The following TMEM232 variants were observed in gnomAD, a reference collection of about 807,000 sequenced individuals.
TMEM232 encodes transmembrane protein 232.
Under a neutral mutation model 78.8 loss-of-function variants are expected in TMEM232, and 80 were observed. The ratio of observed to expected loss-of-function variants is 1.01; its 90% CI spans 0.85 to 1.22. The LOEUF is 1.22. Among genes scored for constraint, TMEM232 ranks in the 50% most tolerant of loss-of-function variants. The pLI is 0.00. For synonymous variants in TMEM232, 297 were observed against 254.3 expected (o/e 1.17, Z -1.60); for missense variants, 881 against 742.2 (o/e 1.19, Z -2.17).
intron 12 of TMEM232, among the ~76,000 whole-genome samples, chr5:110,475,584 A>G (rs891642882): frequency 2.1e-5 from 3 of 142,214 alleles, no homozygotes; most frequent in African/African-American, 9.3e-5. Flanking sequence ...AAAACTGCCA[A>G]TCTCCAAAGC....
chr5:110,596,154 A>G (rs1780135319), intron 10 of TMEM232, among the ~76,000 whole-genome samples: 1 of 152,138 alleles, frequency 6.6e-6, no homozygotes, highest in Non-Finnish European at 1.5e-5. Flanking sequence ...AGCATCAAAT[A>G]GACACAATAA....
intron 12 of TMEM232, among the ~76,000 whole-genome samples, chr5:110,484,400 C>A (rs1340802477): frequency 6.6e-6 from 1 of 151,672 alleles, no homozygotes; most frequent in Non-Finnish European, 1.5e-5. Context: ...AAAAAGGAGG[C>A]AGCAATACAA....
intron 11 of TMEM232, among the ~76,000 whole-genome samples, chr5:110,555,243 T>C (rs1774936767): frequency 6.6e-6 from 1 of 152,206 alleles, no homozygotes; most frequent in Non-Finnish European, 1.5e-5. Flanking sequence ...AAAAATTTAT[T>C]GATATCTGCT....
intron 12 of TMEM232, among the ~76,000 whole-genome samples, chr5:110,428,225 A>C (rs1757454689): frequency 6.6e-6 from 1 of 151,798 alleles, no homozygotes; most frequent in Non-Finnish European, 1.5e-5. Context: ...ATGTTTTATA[A>C]GGATACTGTC....
chr5:110,627,696 A>T, intron 6 of TMEM232, 85 bp downstream of exon 6: 1 of 938,158 alleles, frequency 1.1e-6, no homozygotes. Context: ...AATAAAATGC[A>T]GCTTACGTTC....
chr5:110,446,147 G>C (rs959087173), intron 12 of TMEM232, among the ~76,000 whole-genome samples: 2 of 152,118 alleles, frequency 1.3e-5, no homozygotes, highest in African/African-American at 4.8e-5. Flanking sequence ...AAAGACATCA[G>C]AGAATCTCCT....
intron 11 of TMEM232, among the ~76,000 whole-genome samples, chr5:110,565,364 G>A (rs948016689): frequency 1.3e-5 from 2 of 152,008 alleles, no homozygotes; most frequent in East Asian, 1.9e-4. Context: ...GGAAACTGAA[G>A]TAAAAATATG....
intron 2 of TMEM232, among the ~76,000 whole-genome samples, chr5:110,732,584 T>G (rs989782563): frequency 6.6e-6 from 1 of 152,168 alleles, no homozygotes; most frequent in Non-Finnish European, 1.5e-5. Context: ...TCAGATTTTG[T>G]GAGACTTATT....
chr5:110,738,494 C>T (rs1396320965), upstream of TMEM232, among the ~76,000 whole-genome samples: 1 of 152,154 alleles, frequency 6.6e-6, no homozygotes, highest in African/African-American at 2.4e-5. Context: ...AAAATGCTTG[C>T]TCTGGTGGTC....
intron 12 of TMEM232, among the ~76,000 whole-genome samples, chr5:110,490,121 A>AAAAGAAAAAG (rs1764875269): frequency 4.5e-5 from 5 of 110,478 alleles, no homozygotes; most frequent in African/African-American, 6.4e-5. Flanking sequence ...CTCCGTTTCA[A>AAAAGAAAAAG]AAAGAAAGAA....
intron 10 of TMEM232, among the ~76,000 whole-genome samples, chr5:110,596,979 C>A (rs202049589): frequency 1.4e-4 from 22 of 152,216 alleles, no homozygotes; most frequent in African/African-American, 4.1e-4. Context: ...CTCTCTCACC[C>A]CTCCTATTCA....
chr5:110,430,908 G>C (rs1757764929), intron 12 of TMEM232, among the ~76,000 whole-genome samples: 1 of 151,698 alleles, frequency 6.6e-6, no homozygotes, highest in Non-Finnish European at 1.5e-5. Flanking sequence ...ATGTATCAGA[G>C]AGGAAGGACC....
chr5:110,638,245 C>T lies in TMEM232; in HGVS notation c.454G>A (p.Ala152Thr), dbSNP rs1561432362. 3.2e-6 allele frequency: 5 copies of T among 1,549,224 alleles called. No homozygotes were observed. The highest frequency in any genetic ancestry group is 1.4e-5 in the African/African-American group (1 of 72,888). Residue 152 changes from alanine (A) to threonine (T), a missense_variant, in exon 5 of 14, where the codon GCA (alanine) becomes ACA (threonine). Ala to Thr is a moderately conservative substitution (Grantham distance 58). Transcript: ENST00000455884. The stretch of plus-strand genomic sequence containing the variant: ...GAATATAAATATGTTTTGAGGGATG[C>T]ATCACAACACAGTCTGTATAAAACC... ...ESVLYRLCCD[A>T]SLKTYLYSVE...
intron 12 of TMEM232, among the ~76,000 whole-genome samples, chr5:110,487,538 G>T (rs185649388): frequency 6.6e-6 from 1 of 151,910 alleles, no homozygotes; most frequent in Non-Finnish European, 1.5e-5. Flanking sequence ...GGATTTTGTC[G>T]AATGCTTTTT....
At chr5:110,675,476 C>G (rs1465813152) in intron 1 of TMEM232, among the ~76,000 whole-genome samples, 1 of 152,054 alleles carries the variant, frequency 6.6e-6, no homozygotes, top group African/African-American at 2.4e-5. Flanking sequence ...AGCCAAATAA[C>G]GACAAAGACG....
intron 11 of TMEM232, among the ~76,000 whole-genome samples, chr5:110,542,074 C>G (rs1773199009): frequency 6.6e-6 from 1 of 152,144 alleles, no homozygotes; most frequent in African/African-American, 2.4e-5. Context: ...TCTGCGATAC[C>G]TGAAGCCCCG....
intron 10 of TMEM232, among the ~76,000 whole-genome samples, chr5:110,573,792 C>A (rs2149702131): frequency 6.6e-6 from 1 of 152,156 alleles, no homozygotes; most frequent in Non-Finnish European, 1.5e-5. Context: ...AAGGGAAAAG[C>A]ATTTCCAAGA....
At chr5:110,396,156 G>T (rs1755379658) in intron 3 of TMEM232, among the ~76,000 whole-genome samples, 1 of 152,118 alleles carries the variant, frequency 6.6e-6, no homozygotes. Flanking sequence ...TTATATGGTG[G>T]CAGGAGAGAG....
At chr5:110,558,383 C>A (rs939221315) in intron 11 of TMEM232, among the ~76,000 whole-genome samples, 4 of 152,116 alleles carry the variant, frequency 2.6e-5, no homozygotes, top group African/African-American at 9.7e-5. Flanking sequence ...CTGTAGGTGA[C>A]AGCATAACCA....
Sources: allele counts gnomAD v4.1 joint callset (sites outside exome capture counted in the v4.1 genomes callset), GRCh38; gene constraint gnomAD v4.1.1; transcripts MANE v1.5; gene names NCBI Gene and HGNC (gene_info 2026-07-23, HGNC 2026-07-21).